Variants in ANKRD44 observed in about 807,000 individuals in gnomAD.
The protein encoded by ANKRD44 is ankyrin repeat domain 44.
ANKRD44 carries 35 observed loss-of-function variants against 116.0 expected under a neutral mutation model. The ratio of observed to expected loss-of-function variants is 0.30; its 90% CI spans 0.23 to 0.40. ANKRD44 has a LOEUF of 0.40. ANKRD44 is among the 10% of genes least tolerant of loss of function. ANKRD44 has a pLI of 1.00. For synonymous variants in ANKRD44, 435 were observed against 461.8 expected (o/e 0.94, Z 0.74); for missense variants, 1,014 against 1,242.6 (o/e 0.82, Z 2.77).
intron 2 of ANKRD44, among the ~76,000 whole-genome samples, chr2:197,182,749 T>A (rs913538886): frequency 4.6e-5 from 7 of 152,170 alleles, no homozygotes; most frequent in Non-Finnish European, 8.8e-5. Context: ...AGGTTTCAGA[T>A]CCCACGAATG....
chr2:197,217,492 A>G (rs1465002477), intron 1 of ANKRD44, among the ~76,000 whole-genome samples: 1 of 152,226 alleles, frequency 6.6e-6, no homozygotes, highest in African/African-American at 2.4e-5. Context: ...TATTTGCTTG[A>G]ATGACATAAT....
chr2:197,254,390 C>A (rs71422645), intron 1 of ANKRD44, among the ~76,000 whole-genome samples: 15,521 of 151,698 alleles, frequency 0.1, 840 homozygotes, highest in Middle Eastern at 0.13. Context: ...TCTTAAAAAA[C>A]AACAACAACA....
At chr2:197,196,975 C>T (rs1463475536) in intron 1 of ANKRD44, among the ~76,000 whole-genome samples, 2 of 147,132 alleles carry the variant, frequency 1.4e-5, no homozygotes. Context: ...TTTTTTTTTT[C>T]CTAAGGCATC....
intron 4 of ANKRD44, among the ~76,000 whole-genome samples, chr2:197,129,757 G>C (rs1049742080): frequency 6.6e-6 from 1 of 152,114 alleles, no homozygotes; most frequent in African/African-American, 2.4e-5. Flanking sequence ...ATGAGAATAG[G>C]AGGCATGTGT....
intron 5 of ANKRD44, 136 bp downstream of exon 5, chr2:197,125,701 A>T: frequency 9.4e-7 from 1 of 1,062,274 alleles, no homozygotes; most frequent in South Asian, 1.5e-5. Flanking sequence ...AAAGTTGAGA[A>T]TGATATAGAT....
chr2:197,266,780 C>G (rs2082752843), intron 1 of ANKRD44, among the ~76,000 whole-genome samples: 1 of 151,982 alleles, frequency 6.6e-6, no homozygotes, highest in Non-Finnish European at 1.5e-5. Context: ...CAGAGGCTTT[C>G]AATGTGTTTT....
intron 1 of ANKRD44, among the ~76,000 whole-genome samples, chr2:197,271,037 G>A (rs536498116): frequency 4.6e-5 from 7 of 152,284 alleles, no homozygotes; most frequent in African/African-American, 9.6e-5. Context: ...GGGAAGAGCC[G>A]CATTCTTGGT....
At chr2:197,237,657 C>A (rs777959182) in intron 1 of ANKRD44, among the ~76,000 whole-genome samples, 2 of 152,218 alleles carry the variant, frequency 1.3e-5, no homozygotes, top group Admixed American at 6.5e-5. Context: ...GAATCGCGCA[C>A]AGAAAACTGG....
intron 8 of ANKRD44, among the ~76,000 whole-genome samples, chr2:197,116,277 C>A (rs554565162): frequency 2.6e-5 from 4 of 152,278 alleles, no homozygotes; most frequent in African/African-American, 9.6e-5. Context: ...GTGCATCAGA[C>A]AACTCTGTGA....
chr2:197,279,297 T>C (rs1381421100), intron 1 of ANKRD44, among the ~76,000 whole-genome samples: 1 of 152,186 alleles, frequency 6.6e-6, no homozygotes, highest in Non-Finnish European at 1.5e-5. Flanking sequence ...CATTTGTCCT[T>C]GGAAGATGGC....
chr2:197,082,991 G>A (rs1277951382), intron 14 of ANKRD44, among the ~76,000 whole-genome samples: 1 of 152,182 alleles, frequency 6.6e-6, no homozygotes, highest in African/African-American at 2.4e-5. Flanking sequence ...TTATGCATGG[G>A]TGGATGTTTT....
At chr2:197,106,806 ATTTT>A (rs551923767) in intron 9 of ANKRD44, among the ~76,000 whole-genome samples, 1 of 136,580 alleles carries the variant, frequency 7.3e-6, no homozygotes, top group Non-Finnish European at 1.6e-5. Flanking sequence ...ATATATATAT[ATTTT>A]TTTTTTTTTT....
At chr2:197,217,911 A>C (rs2081487809) in intron 1 of ANKRD44, among the ~76,000 whole-genome samples, 1 of 152,362 alleles carries the variant, frequency 6.6e-6, no homozygotes, top group East Asian at 1.9e-4. Flanking sequence ...CCCCAAGGAA[A>C]GAACATTCAG....
chr2:197,047,759 A>C (rs966433227), intron 16 of ANKRD44, among the ~76,000 whole-genome samples: 2 of 152,062 alleles, frequency 1.3e-5, no homozygotes, highest in African/African-American at 4.8e-5. Flanking sequence ...AAAATACAAA[A>C]ATTAGCTGGG....
intron 1 of ANKRD44, among the ~76,000 whole-genome samples, chr2:197,257,486 T>C (rs1019534109): frequency 2.0e-5 from 3 of 152,322 alleles, no homozygotes; most frequent in Admixed American, 2.0e-4. Context: ...CAGTTCCTTT[T>C]TCTTTTATTT....
Position 197,125,931 on chromosome 2 carries a change from G to A in ANKRD44, c.368C>T (p.Ala123Val). 1 of 1,614,234 alleles carries A rather than the reference G, an allele frequency of 6.2e-7. No individual in the cohort carries two copies. Among genetic ancestry groups the A allele is most frequent in the Middle Eastern group, 1.6e-4 (1 of 6,062 alleles). The change falls in exon 5 of 28, where the codon GCA becomes GTA. Residue 123 changes from alanine (A) to valine (V), a missense_variant. Coordinates refer to ENST00000282272, the MANE Select transcript of ANKRD44 (RefSeq NM_001195144.2). ...GCTCAGCAGGGGAATGATCACTTCTGCACATTTGACAGCCTTGTTGGCTGC... is the reference window on the plus strand; with the variant it reads ...GCTCAGCAGGGGAATGATCACTTCTACACATTTGACAGCCTTGTTGGCTGC... ...VAAANKAVKC[A>V]EVIIPLLSSV...
chr2:197,099,789 T>A, intron 10 of ANKRD44, 27 bp downstream of exon 10: 2 of 1,613,178 alleles, frequency 1.2e-6, no homozygotes, highest in South Asian at 2.2e-5. Flanking sequence ...GAGGCAATTA[T>A]TCCACCGTAT....
intron 2 of ANKRD44, among the ~76,000 whole-genome samples, chr2:197,157,021 T>C (rs2079835361): frequency 6.6e-6 from 1 of 152,158 alleles, no homozygotes; most frequent in Non-Finnish European, 1.5e-5. Context: ...ATATGTTCAT[T>C]ATCTCAATCA....
In ANKRD44 at chr2:197,059,348, G is replaced by C. The variant is rs191158295; in HGVS notation, c.1650+19355C>G. ...AAGCTGTACAAATCAACATAAATAT[G>C]CTTTGGGACAGCATTTTTAATGTTA... On this transcript the variant is annotated intron_variant, in intron 16 of 27. Transcript: ENST00000282272. Among the ~76,000 whole-genome samples the C allele has an allele frequency of 3.6e-3, 550 of 152,222 alleles. 2 individuals are homozygous for C. Among genetic ancestry groups the C allele is most frequent in the African/African-American group, 0.013 (523 of 41,550 alleles).
Sources: gnomAD v4.1 joint callset for allele counts (sites outside exome capture counted in the v4.1 genomes callset) on GRCh38, gnomAD v4.1.1 for gene constraint, MANE v1.5 for transcripts, NCBI Gene and HGNC (gene_info 2026-07-23, HGNC 2026-07-21) for gene names.